Variants in TBC1D32 observed in about 807,000 individuals in gnomAD.
TBC1D32 encodes the protein TBC1 domain family member 32.
TBC1D32 carries 151 observed loss-of-function variants against 170.3 expected under a neutral mutation model. That is an observed-to-expected ratio of 0.89 (90% CI 0.78 to 1.01). The LOEUF is 1.01. Among genes scored for constraint, TBC1D32 ranks in the 50% least tolerant of loss-of-function variants. The pLI is 0.00. For synonymous variants in TBC1D32, 498 were observed against 488.0 expected, an observed-to-expected ratio of 1.02 and a Z score of -0.27; for missense variants, 1,464 against 1,457.1, an observed-to-expected ratio of 1.00 and a Z score of -0.08.
At chr6:121,256,721 G>A (rs1799070112) in intron 15 of TBC1D32, among the ~76,000 whole-genome samples, 1 of 150,226 alleles carries the variant, frequency 6.7e-6, no homozygotes, top group Non-Finnish European at 1.5e-5. Flanking sequence ...CTGTCAACCA[G>A]ACTGGAGTGC....
At chr6:121,232,195 TTA>T (rs1202452316) in intron 20 of TBC1D32, among the ~76,000 whole-genome samples, 3 of 152,202 alleles carry the variant, frequency 2.0e-5, no homozygotes, top group African/African-American at 7.2e-5. Flanking sequence ...ACTTACCACT[TTA>T]TGTTTTTGTT....
chr6:121,247,696 A>AAAAAAG (rs1797792228), intron 17 of TBC1D32, among the ~76,000 whole-genome samples: 1 of 33,966 alleles, frequency 2.9e-5, no homozygotes, highest in Admixed American at 3.7e-4. Flanking sequence ...GCTTTAAAGC[A>AAAAAAG]AAAAAAAAAA....
At chr6:121,222,220 T>G (rs1794605953) in intron 21 of TBC1D32, among the ~76,000 whole-genome samples, 1 of 152,208 alleles carries the variant, frequency 6.6e-6, no homozygotes, top group South Asian at 2.1e-4. Flanking sequence ...ATTGCACATT[T>G]TAGACTAAAG....
chr6:121,114,279 C>T (rs1341337185), intron 27 of TBC1D32, among the ~76,000 whole-genome samples: 2 of 152,212 alleles, frequency 1.3e-5, no homozygotes, highest in African/African-American at 4.8e-5. Flanking sequence ...AATTATTTTA[C>T]ACTTGGATGC....
intron 21 of TBC1D32, among the ~76,000 whole-genome samples, chr6:121,207,205 G>T (rs962786832): frequency 6.6e-6 from 1 of 152,112 alleles, no homozygotes; most frequent in Non-Finnish European, 1.5e-5. Flanking sequence ...GGTGAGAGAG[G>T]TTGCCAATTA....
At chr6:121,224,560 C>A (rs1050606302) in intron 20 of TBC1D32, 1 of 152,062 alleles carries the variant, frequency 6.6e-6, no homozygotes, top group African/African-American at 2.4e-5. Flanking sequence ...GCCAAAGACA[C>A]ATACTCAGAA....
chr6:121,189,117 C>T (rs1337144499), intron 22 of TBC1D32, among the ~76,000 whole-genome samples: 1 of 151,964 alleles, frequency 6.6e-6, no homozygotes, highest in Middle Eastern at 3.2e-3. Flanking sequence ...GAAACAAATG[C>T]CAATTTGACA....
Position 121,299,645 on chromosome 6 carries a change from T to A in TBC1D32, c.1081-140A>T, listed in dbSNP as rs558642213. 7.6e-5 allele frequency: 60 copies of A among 793,038 alleles called. 1 individual carries two copies. In the South Asian group the frequency reaches 1.1e-3, roughly 14 times the overall value. The allele number at this position is 793,038 out of a possible 1,614,324, so 49.1% of individuals were successfully genotyped here. A position where few individuals can be genotyped will look rare whatever the true frequency, so the allele number is the denominator to read the frequency against. On this transcript the variant is annotated intron_variant, in intron 9 of 31. Transcript: ENST00000398212. ...CCTTATAGTCAATGACAGACAGGTG[T>A]TTATGTGTGCATTGTATTAGGAGCA...
chr6:121,255,501 ATTATATTTATAATTATATT>A lies in TBC1D32; in HGVS notation c.1936-110_1936-92del, dbSNP rs780056599. 2.8e-3 allele frequency: 686 copies of A among 241,510 alleles called. 18 individuals are homozygous for A. Among genetic ancestry groups the A allele is most frequent in the African/African-American group, 8.5e-3 (327 of 38,322 alleles). The allele number at this position is 241,510 out of a possible 1,614,324, so 15.0% of individuals were successfully genotyped here. ...ATTATATTTATAATTATATTTTATA[ATTATATTTATAATTATATT>A]TTATATTTCTTACTGATAGCACTAC... On this transcript the variant is annotated intron_variant, in intron 16 of 31. Coordinates refer to ENST00000398212, the MANE Select transcript of TBC1D32 (RefSeq NM_152730.6).
intron 21 of TBC1D32, among the ~76,000 whole-genome samples, chr6:121,220,479 T>C (rs1222922206): frequency 6.6e-6 from 1 of 152,056 alleles, no homozygotes; most frequent in East Asian, 1.9e-4. Flanking sequence ...AAGAAAAGTT[T>C]GAAATTAACA....
intron 22 of TBC1D32, chr6:121,170,363 A>G: frequency 6.5e-7 from 1 of 1,528,732 alleles, no homozygotes; most frequent in Non-Finnish European, 8.8e-7. Flanking sequence ...AAACATCTCT[A>G]AAGAAAACTG....
At chr6:121,104,287 A>G (rs913303160) in intron 30 of TBC1D32, among the ~76,000 whole-genome samples, 4 of 151,744 alleles carry the variant, frequency 2.6e-5, no homozygotes, top group Non-Finnish European at 5.9e-5. Flanking sequence ...CCCAGGATCA[A>G]CTTAATCTTA....
chr6:121,152,361 G>A (rs1337378491), intron 24 of TBC1D32, among the ~76,000 whole-genome samples: 1 of 152,190 alleles, frequency 6.6e-6, no homozygotes, highest in Non-Finnish European at 1.5e-5. Context: ...TTTCTGCAGA[G>A]AGATCTGCTG....
At chr6:121,175,194 A>G (rs1490436018) in intron 22 of TBC1D32, among the ~76,000 whole-genome samples, 2 of 152,174 alleles carry the variant, frequency 1.3e-5, no homozygotes, top group African/African-American at 4.8e-5. Flanking sequence ...TTAGGGAGAC[A>G]CTTTTCTTTC....
intron 31 of TBC1D32, among the ~76,000 whole-genome samples, chr6:121,083,206 GC>G (rs1181900411): frequency 6.6e-6 from 1 of 151,692 alleles, no homozygotes; most frequent in African/African-American, 2.4e-5. Flanking sequence ...AAATATAAAT[GC>G]CTTGATTATT....
At chr6:121,181,186 C>T (rs985054777) in intron 22 of TBC1D32, among the ~76,000 whole-genome samples, 3 of 151,942 alleles carry the variant, frequency 2.0e-5, no homozygotes, top group Non-Finnish European at 2.9e-5. Flanking sequence ...TATGGAGGTT[C>T]CTCAAAAACT....
At chr6:121,119,035 A>C (rs370413387) in intron 26 of TBC1D32, among the ~76,000 whole-genome samples, 5 of 152,096 alleles carry the variant, frequency 3.3e-5, no homozygotes, top group East Asian at 1.9e-4. Context: ...GAGGCAGCAC[A>C]AGTACTACGC....
At chr6:121,334,531 G>T, upstream of TBC1D32, 1 of 1,401,424 alleles carries the variant, frequency 7.1e-7, no homozygotes, top group Non-Finnish European at 9.6e-7. Flanking sequence ...GGCTACGTGC[G>T]GCGTCGTTCC....
intron 29 of TBC1D32, among the ~76,000 whole-genome samples, chr6:121,110,002 A>G (rs1413387965): frequency 6.6e-6 from 1 of 152,058 alleles, no homozygotes; most frequent in Non-Finnish European, 1.5e-5. Flanking sequence ...CTGTAATCCC[A>G]GCACTTTGGG....
Sources: gnomAD v4.1 joint callset for allele counts (sites outside exome capture counted in the v4.1 genomes callset) on GRCh38, gnomAD v4.1.1 for gene constraint, MANE v1.5 for transcripts, NCBI Gene and HGNC (gene_info 2026-07-23, HGNC 2026-07-21) for gene names.